CD58: variants seen among roughly 807,000 people sequenced by gnomAD.
CD58 encodes CD58 molecule.
In CD58, 14 loss-of-function variants were observed where a neutral mutation model predicts 27.6. The ratio of observed to expected loss-of-function variants is 0.51; its 90% confidence interval spans 0.34 to 0.79. CD58 has a LOEUF of 0.79. Among genes scored for constraint, CD58 ranks in the 30% least tolerant of loss-of-function variants. The pLI, the probability that CD58 is intolerant of heterozygous loss-of-function variation, is 0.02. For missense variants in CD58, 268 were observed against 301.7 expected, an observed-to-expected ratio of 0.89 and a Z score of 0.83; for synonymous variants, 117 against 103.8, an observed-to-expected ratio of 1.13 and a Z score of -0.77.
intron 1 of CD58, among the ~76,000 whole-genome samples, chr1:116,567,150 A>G (rs576701561): frequency 1.4e-5 from 2 of 147,112 alleles, no homozygotes; most frequent in Non-Finnish European, 3.0e-5. Flanking sequence ...AAAAGAAAAG[A>G]GAAAAGGCAA....
Position 116,546,475 on chromosome 1 carries a change from G to A in CD58, c.71-1871C>T, listed in dbSNP as rs974668845. Among the ~76,000 whole-genome samples the A allele has an allele frequency of 6.6e-6, 1 of 152,168 alleles. No homozygotes were observed. Among genetic ancestry groups the A allele is most frequent in the Non-Finnish European group, 1.5e-5 (1 of 68,048 alleles). On this transcript the variant is annotated intron_variant, in intron 1 of 5. Transcript: ENST00000369489. The surrounding 1 kb of genome is among the most constrained non-coding windows in gnomAD (Gnocchi z 4.1). ...TATGCATTATTTCCTCCACTCAACAGAGTATGTGGGAAGGCACAAGAAAAA... is the reference window on the plus strand; with the variant it reads ...TATGCATTATTTCCTCCACTCAACAAAGTATGTGGGAAGGCACAAGAAAAA...
intron 3 of CD58, among the ~76,000 whole-genome samples, chr1:116,529,307 T>A (rs1312056982): frequency 1.3e-5 from 2 of 152,238 alleles, no homozygotes; most frequent in African/African-American, 2.4e-5. Flanking sequence ...CTCCATGCTA[T>A]CTACTCTGAC....
chr1:116,548,050 T>C (rs1658256428), intron 1 of CD58, among the ~76,000 whole-genome samples: 1 of 152,210 alleles, frequency 6.6e-6, no homozygotes. Context: ...CCCTGATAAT[T>C]AGTAATGTTG....
In CD58 at chr1:116,519,734, GAT is replaced by G. The variant is rs1322736277; in HGVS notation, c.707-469_707-468del. Among the ~76,000 whole-genome samples the G allele has an allele frequency of 3.9e-5, 6 of 152,044 alleles. No individual in the cohort carries two copies. Among genetic ancestry groups the G allele is most frequent in the Non-Finnish European group, 7.4e-5 (5 of 67,996 alleles). On this transcript the variant is annotated intron_variant, in intron 4 of 5. Coordinates refer to ENST00000369489, the MANE Select transcript of CD58 (RefSeq NM_001779.3). This position sits in a 1 kb window ranked among gnomAD's most constrained non-coding sequence, Gnocchi z 4.7. ...ACTCAATATAAACATTTTTTAATGA[GAT>G]ATTTTATATTCTTTCACACACGGTC...
Position 116,516,202 on chromosome 1 carries a change from C to G in CD58, c.744-1380G>C, listed in dbSNP as rs1279674547. 3.9e-5 allele frequency among the ~76,000 whole-genome samples: 6 copies of G among 152,140 alleles called. No individual in the cohort carries two copies. Among genetic ancestry groups the G allele is most frequent in the Non-Finnish European group, 7.3e-5 (5 of 68,028 alleles). On this transcript the variant is annotated intron_variant, in intron 5 of 5. Transcript: ENST00000369489. This position sits in a 1 kb window ranked among gnomAD's most constrained non-coding sequence, Gnocchi z 6.1. ...TGCTACCATACCCAGCTTCATAACC[C>G]TTTAGTAACTGAGCTTAGAGAATTC...
rs1272422029 is a variant in CD58 at position 116,534,524 on chromosome 1, G to GC, written c.628+1440dup. Among the ~76,000 whole-genome samples, 2 of 152,152 alleles carry GC rather than the reference G, an allele frequency of 1.3e-5. No homozygotes were observed. Among genetic ancestry groups the GC allele is most frequent in the African/African-American group, 4.8e-5 (2 of 41,452 alleles). On this transcript the variant is annotated intron_variant, in intron 3 of 5. Coordinates refer to ENST00000369489, the MANE Select transcript of CD58 (RefSeq NM_001779.3). This position sits in a 1 kb window ranked among gnomAD's most constrained non-coding sequence, Gnocchi z 5.3. ...CCCTCTACGCCTCCTCCGCTGGGCC[G>GC]CCGGCGAGGAAGCCGCCCGCAGCGC...
Position 116,532,921 on chromosome 1 carries a change from GC to G in CD58, c.628+3043del. 3 of 1,058,046 alleles carry G rather than the reference GC, an allele frequency of 2.8e-6. No homozygotes were observed. The highest frequency in any genetic ancestry group is 2.8e-5 in the East Asian group (1 of 35,748). 65.5% of individuals were successfully genotyped at this position (1,058,046 alleles called of 1,614,324 possible). ...AGTCGCGACAGCCGGTCTGCCAGGC[GC>G]CCACCTCCACTTCCTACTGCTGCTT... On this transcript the variant is annotated intron_variant, in intron 3 of 5. Transcript: ENST00000369489. The surrounding 1 kb of genome is among the most constrained non-coding windows in gnomAD (Gnocchi z 5.1).
At chr1:116,533,496 A>G (rs1414327413) in intron 3 of CD58, 1 of 736,362 alleles carries the variant, frequency 1.4e-6, no homozygotes, top group African/African-American at 1.7e-5. Context: ...TAGGCTGTCC[A>G]GGGTCAGAAA....
intron 1 of CD58, among the ~76,000 whole-genome samples, chr1:116,554,005 G>A (rs1371175316): frequency 6.6e-6 from 1 of 152,120 alleles, no homozygotes; most frequent in Non-Finnish European, 1.5e-5. Context: ...GAAAAAGATG[G>A]AAGAAAATTC....
In CD58 at chr1:116,565,762, C is replaced by T. The variant is rs368086479; in HGVS notation, c.70+5141G>A. ...TTTGAGACAGAGTCTCACTCCGTCA[C>T]CCAGGCTGGAGTGCAGTGTTGTAAT... On this transcript the variant is annotated intron_variant, in intron 1 of 5. Coordinates refer to ENST00000369489, the MANE Select transcript of CD58 (RefSeq NM_001779.3). Among the ~76,000 whole-genome samples the T allele has an allele frequency of 2.7e-5, 4 of 150,124 alleles. No individual in the cohort carries two copies. The East Asian group carries it at 7.8e-4, about 29-fold the overall frequency.
At chr1:116,533,424 G>T in intron 3 of CD58, 1 of 781,582 alleles carries the variant, frequency 1.3e-6, no homozygotes, top group Non-Finnish European at 2.3e-6. Flanking sequence ...GCAGGTTTTT[G>T]TCAGGACTGA....
At chr1:116,555,152 C>G (rs1658522239) in intron 1 of CD58, among the ~76,000 whole-genome samples, 1 of 152,028 alleles carries the variant, frequency 6.6e-6, no homozygotes, top group Non-Finnish European at 1.5e-5. Flanking sequence ...CGCTAATAAC[C>G]ATGCCAGAGT....
chr1:116,555,489 T>G (rs1225202980), intron 1 of CD58, among the ~76,000 whole-genome samples: 1 of 152,194 alleles, frequency 6.6e-6, no homozygotes, highest in Non-Finnish European at 1.5e-5. Context: ...AAAAATTTTA[T>G]CAGTGATCGC....
At chr1:116,548,293 G>A (rs1485938070) in intron 1 of CD58, among the ~76,000 whole-genome samples, 10 of 152,164 alleles carry the variant, frequency 6.6e-5, no homozygotes, top group African/African-American at 2.4e-4. Context: ...CTGTACAGAA[G>A]CTTTTTAATT....
chr1:116,545,688 G>A (rs1658145757), intron 1 of CD58, among the ~76,000 whole-genome samples: 1 of 152,184 alleles, frequency 6.6e-6, no homozygotes, highest in Admixed American at 6.5e-5. Flanking sequence ...CTGCCCTCAT[G>A]AGCCAATTGT....
In CD58 at chr1:116,541,772, G is replaced by A. The variant is rs1468651619; in HGVS notation, c.364+2539C>T. 1.3e-5 allele frequency among the ~76,000 whole-genome samples: 2 copies of A among 152,146 alleles called. No individual in the cohort carries two copies. Among genetic ancestry groups the A allele is most frequent in the Admixed American group, 6.5e-5 (1 of 15,282 alleles). Reference sequence around the variant, plus strand: ...CAGGTATACACATAAGGAGCTCGGCGGGGTACTCTGGGCTAGAGCTCTAGA... The same window carrying A: ...CAGGTATACACATAAGGAGCTCGGCAGGGTACTCTGGGCTAGAGCTCTAGA... On this transcript the variant is annotated intron_variant, in intron 2 of 5. Transcript: ENST00000369489. This position sits in a 1 kb window ranked among gnomAD's most constrained non-coding sequence, Gnocchi z 5.3.
chr1:116,537,618 C>T (rs1657855404), intron 2 of CD58, among the ~76,000 whole-genome samples: 1 of 152,206 alleles, frequency 6.6e-6, no homozygotes, highest in African/African-American at 2.4e-5. Context: ...CTCCTATTGG[C>T]TAAGGCAGCA....
rs1657346396 is a variant in CD58, at chr1:116,523,896, C to A, written c.629-1913G>T. On this transcript the variant is annotated intron_variant, in intron 3 of 5. Coordinates refer to ENST00000369489, the MANE Select transcript of CD58 (RefSeq NM_001779.3). The surrounding 1 kb of genome is among the most constrained non-coding windows in gnomAD (Gnocchi z 4.4). ...AATAATGAGTTAGCTCCCAAGCATT[C>A]TCTAGAGATGACCAGTGAGTTTTTA... Among the ~76,000 whole-genome samples the A allele has an allele frequency of 6.6e-6, 1 of 152,222 alleles. No homozygotes were observed. Among genetic ancestry groups the A allele is most frequent in the African/African-American group, 2.4e-5 (1 of 41,450 alleles).
At chr1:116,537,661 T>C (rs1657856673) in intron 2 of CD58, among the ~76,000 whole-genome samples, 1 of 152,240 alleles carries the variant, frequency 6.6e-6, no homozygotes, top group East Asian at 1.9e-4. Flanking sequence ...GACACTAACA[T>C]GTCACATTCT....
Sources: gnomAD v4.1 joint callset for allele counts (sites outside exome capture counted in the v4.1 genomes callset) on GRCh38, gnomAD v4.1.1 for gene constraint, Gnocchi (gnomAD v3.1) non-coding constraint, MANE v1.5 for transcripts, NCBI Gene and HGNC (gene_info 2026-07-23, HGNC 2026-07-21) for gene names.